ATAD3B: variants seen among roughly 807,000 people sequenced by gnomAD.
ATAD3B encodes the protein ATPase family AAA domain containing 3B, also known as ATPase family AAA domain-containing protein 3B.
Under a neutral mutation model 70.2 loss-of-function variants are expected in ATAD3B, and 59 were observed. The observed-to-expected ratio is 0.84, with a 90% CI of 0.68 to 1.04. ATAD3B has a LOEUF of 1.04. Among genes scored for constraint, ATAD3B ranks in the 50% least tolerant of loss-of-function variants. The pLI is 0.00. For missense variants in ATAD3B, 961 were observed against 913.4 expected (o/e 1.05, Z -0.67); for synonymous variants, 423 against 388.6 (o/e 1.09, Z -1.04).
chr1:1,501,801 C>G (rs1007579629), downstream of ATAD3B, among the ~76,000 whole-genome samples: 1 of 152,142 alleles, frequency 6.6e-6, no homozygotes, highest in African/African-American at 2.4e-5. Context: ...TACGGCAGTC[C>G]GTGGGTTACT....
chr1:1,498,604 C>G (rs1381058781), downstream of ATAD3B, among the ~76,000 whole-genome samples: 1 of 151,850 alleles, frequency 6.6e-6, no homozygotes, highest in Non-Finnish European at 1.5e-5. Flanking sequence ...GACGGGGTCT[C>G]TCTTTGTTGC....
In ATAD3B at chr1:1,482,313, G is replaced by A. The variant is rs1314752734; in HGVS notation, c.680+10G>A. 5 of 1,545,052 alleles carry A rather than the reference G, an allele frequency of 3.2e-6. No homozygotes were observed. The highest frequency in any genetic ancestry group is 4.3e-6 in the Non-Finnish European group (5 of 1,160,062). On this transcript the variant is annotated intron_variant, in intron 6 of 15. Coordinates refer to ENST00000673477, the MANE Select transcript of ATAD3B (RefSeq NM_031921.6). ...TCTTGGAGTCCATCAGGTGAGCACT[G>A]CCCAGGCCCGGGCCGGCCACAGATG...
At chr1:1,508,291 C>T in the ATAD3B span, among the ~76,000 whole-genome samples, 9 of 151,402 alleles carry the variant, frequency 5.9e-5, no homozygotes, top group East Asian at 5.8e-4. Flanking sequence ...TGGCTCTTGG[C>T]GAGGGATGGG....
chr1:1,495,118 G>GGTCTGAGT (rs953667672), intron 15 of ATAD3B, among the ~76,000 whole-genome samples: 2 of 152,074 alleles, frequency 1.3e-5, no homozygotes, highest in African/African-American at 4.8e-5. Flanking sequence ...AGGGTCTGAG[G>GGTCTGAGT]TGCACTATGA....
downstream of ATAD3B, among the ~76,000 whole-genome samples, chr1:1,499,214 GC>G (rs1030495177): frequency 4.7e-5 from 7 of 149,954 alleles, no homozygotes; most frequent in African/African-American, 1.5e-4. Context: ...CTCGTGATCC[GC>G]CCGCCTCGAC....
Position 1,485,013 on chromosome 1 carries a change from C to T in ATAD3B, c.751-3C>T, listed in dbSNP as rs776979210. The T allele has an allele frequency of 5.0e-6, 8 of 1,600,900 alleles. No homozygotes were observed. In the East Asian group the frequency reaches 1.8e-4, roughly 36 times the overall value. On this transcript the variant is annotated splice_region_variant and splice_polypyrimidine_tract_variant and intron_variant, in intron 7 of 15. Coordinates refer to ENST00000673477, the MANE Select transcript of ATAD3B (RefSeq NM_031921.6). The stretch of plus-strand genomic sequence containing the variant: ...GTGCGCCAGTGCGGTGTCTCTGCTG[C>T]AGGTGGCTGGGCTGACGCTGCTGGC...
intron 7 of ATAD3B, chr1:1,484,365 TAG>T (rs963236762): frequency 6.6e-6 from 1 of 152,082 alleles, no homozygotes; most frequent in Non-Finnish European, 1.5e-5. Context: ...GTATTTTTAG[TAG>T]AGAGAGGGTT....
rs1242432506 is a variant in ATAD3B at position 1,483,397 on chromosome 1, G to A, written c.750+783G>A. 6 of 259,672 alleles carry A rather than the reference G, an allele frequency of 2.3e-5. No homozygotes were observed. In the Admixed American group the frequency reaches 3.2e-4, roughly 14 times the overall value. The allele number at this position is 259,672 out of a possible 1,614,324, so 16.1% of individuals were successfully genotyped here. A position where few individuals can be genotyped will look rare whatever the true frequency, so the allele number is the denominator to read the frequency against. On this transcript the variant is annotated intron_variant, in intron 7 of 15. Coordinates refer to ENST00000673477, the MANE Select transcript of ATAD3B (RefSeq NM_031921.6). ...TAGGAAAATTGGTTGAACCCAGGAG[G>A]CGGAAGTTGCAGTGAGCTGAAACCG...
chr1:1,500,726 G>A (rs914676973), downstream of ATAD3B, among the ~76,000 whole-genome samples: 1 of 151,464 alleles, frequency 6.6e-6, no homozygotes, highest in Non-Finnish European at 1.5e-5. Context: ...GGCCGAGGCG[G>A]GCGGATCACG....
rs1207191164 is a variant in ATAD3B, at chr1:1,486,092, C to A, written c.964-18C>A. 6.2e-7 allele frequency: 1 copy of A among 1,612,816 alleles called. No individual in the cohort carries two copies. Among genetic ancestry groups the A allele is most frequent in the East Asian group, 2.2e-5 (1 of 44,892 alleles). Reference sequence around the variant, plus strand: ...TGGGTGCAGAGTGTCTCCCCCAAACCCCCGTCTTCCCCGGCAGCCCAGCCT... The same window carrying A: ...TGGGTGCAGAGTGTCTCCCCCAAACACCCGTCTTCCCCGGCAGCCCAGCCT... On this transcript the variant is annotated intron_variant, in intron 9 of 15. Coordinates refer to ENST00000673477, the MANE Select transcript of ATAD3B (RefSeq NM_031921.6).
At chr1:1,486,517 C>T (rs774752691) in intron 10 of ATAD3B, 27 bp from the exon 11 acceptor site, 8 of 1,611,944 alleles carry the variant, frequency 5.0e-6, no homozygotes, top group African/African-American at 2.7e-5. Context: ...AACATCTGTT[C>T]TGTCTCCCCT....
the ATAD3B span, among the ~76,000 whole-genome samples, chr1:1,505,861 T>A: frequency 1.3e-5 from 2 of 152,212 alleles, no homozygotes; most frequent in Non-Finnish European, 2.9e-5. Flanking sequence ...AAGATCTATA[T>A]CTGGTATAAC....
the ATAD3B span, among the ~76,000 whole-genome samples, chr1:1,508,199 C>T: frequency 5.9e-5 from 9 of 151,438 alleles, no homozygotes; most frequent in African/African-American, 1.5e-4. Flanking sequence ...AGTGGCGGTA[C>T]GGCTCCAGTC....
intron 11 of ATAD3B, among the ~76,000 whole-genome samples, chr1:1,487,487 CAAAA>C (rs1361376015): frequency 2.0e-5 from 2 of 100,918 alleles, no homozygotes; most frequent in Non-Finnish European, 4.2e-5. Flanking sequence ...GACTCTGTCT[CAAAA>C]AAAAAAAAAA....
chr1:1,498,976 T>G (rs1318398830), downstream of ATAD3B, among the ~76,000 whole-genome samples: 1 of 150,500 alleles, frequency 6.6e-6, no homozygotes, highest in Non-Finnish European at 1.5e-5. Context: ...CTCTTTTTTT[T>G]TTTTTTTCTT....
chr1:1,495,920 C>T lies in ATAD3B; in HGVS notation c.*103C>T, dbSNP rs1640771401. ...AGGGGGAGGGTGAGGCTTTGTACCC[C>T]AGCCCCTGCCCAGGCCACTGTGAGG... On this transcript the variant is annotated 3_prime_UTR_variant, in exon 16 of 16. Transcript: ENST00000673477. The T allele has an allele frequency of 7.7e-6, 11 of 1,433,104 alleles. No homozygotes were observed. Among genetic ancestry groups the T allele is most frequent in the Middle Eastern group, 2.6e-4 (1 of 3,880 alleles). The allele number at this position is 1,433,104 out of a possible 1,614,324, so 88.8% of individuals were successfully genotyped here. A position where few individuals can be genotyped will look rare whatever the true frequency, so the allele number is the denominator to read the frequency against.
At position 1,496,212 on chromosome 1, in the gene ATAD3B, C is replaced by G; in HGVS notation, c.*395C>G. The G allele has an allele frequency of 2.0e-6, 2 of 1,012,238 alleles. No homozygotes were observed. Among genetic ancestry groups the G allele is most frequent in the African/African-American group, 1.7e-5 (1 of 58,324 alleles). The allele number at this position is 1,012,238 out of a possible 1,614,324, so 62.7% of individuals were successfully genotyped here. A position where few individuals can be genotyped will look rare whatever the true frequency, so the allele number is the denominator to read the frequency against. ...TCCCACAGGTGCCTCACCGCCGTGT[C>G]TCTCTATTGACTGACACTGCTCGGG... On this transcript the variant is annotated 3_prime_UTR_variant, in exon 16 of 16. Coordinates refer to ENST00000673477, the MANE Select transcript of ATAD3B (RefSeq NM_031921.6).
Position 1,495,902 on chromosome 1 carries a change from G to A in ATAD3B, c.*85G>A. The A allele has an allele frequency of 3.4e-6, 5 of 1,464,172 alleles. No homozygotes were observed. The highest frequency in any genetic ancestry group is 4.5e-6 in the Non-Finnish European group (5 of 1,113,028). 90.7% of individuals were successfully genotyped at this position (1,464,172 alleles called of 1,614,324 possible). The stretch of plus-strand genomic sequence containing the variant: ...ATTTTCCGTCTGGCTCACAGGGGGA[G>A]GGTGAGGCTTTGTACCCCAGCCCCT... On this transcript the variant is annotated 3_prime_UTR_variant, in exon 16 of 16. Transcript: ENST00000673477.
intron 15 of ATAD3B, among the ~76,000 whole-genome samples, chr1:1,493,953 T>G (rs1346000441): frequency 6.6e-6 from 1 of 152,022 alleles, no homozygotes; most frequent in African/African-American, 2.4e-5. Flanking sequence ...GAGGAAATGT[T>G]CTTCAATTTG....
Sources: gnomAD v4.1 joint callset for allele counts (sites outside exome capture counted in the v4.1 genomes callset) on GRCh38, gnomAD v4.1.1 for gene constraint, MANE v1.5 for transcripts, NCBI Gene and HGNC (gene_info 2026-07-23, HGNC 2026-07-21) for gene names.